AGA: variants seen among roughly 807,000 people sequenced by gnomAD.
AGA encodes the protein N(4)-(beta-N-acetylglucosaminyl)-L-asparaginase.
A neutral mutation model predicts 40.1 loss-of-function variants in AGA; 31 were observed. The observed-to-expected ratio is 0.77, with a 90% confidence interval of 0.58 to 1.04. The LOEUF (loss-of-function observed/expected upper bound fraction) is 1.04, where lower values mean the gene tolerates loss of function less well. Among genes scored for constraint, AGA ranks in the 50% least tolerant of loss-of-function variants. AGA has a pLI of 0.00. For synonymous variants in AGA, 148 were observed against 144.0 expected, an observed-to-expected ratio of 1.03 and a Z score of -0.20; for missense variants, 445 against 435.4, an observed-to-expected ratio of 1.02 and a Z score of -0.20.
At chr4:177,434,287 G>A (rs1047950246) in intron 7 of AGA, 95 bp downstream of exon 7, 11 of 1,138,286 alleles carry the variant, frequency 9.7e-6, no homozygotes, top group Admixed American at 5.1e-5. Context: ...ACAGTCGTGA[G>A]CCACTGCACC....
intron 7 of AGA, among the ~76,000 whole-genome samples, chr4:177,434,113 C>T (rs1342794295): frequency 1.3e-5 from 2 of 152,088 alleles, no homozygotes; most frequent in Non-Finnish European, 2.9e-5. Flanking sequence ...CCTACCACAG[C>T]CTCCCGAGTA....
intron 8 of AGA, 112 bp downstream of exon 8, chr4:177,433,102 G>T: frequency 6.9e-7 from 1 of 1,449,062 alleles, no homozygotes; most frequent in East Asian, 2.3e-5. Context: ...GCCCACTTAA[G>T]GAGTCTCTTT....
chr4:177,442,200 C>T (rs765482359), intron 1 of AGA, 49 bp downstream of exon 1: 2 of 1,608,752 alleles, frequency 1.2e-6, no homozygotes. Flanking sequence ...GTCATCCCCA[C>T]CCGCAAGCTC....
rs749661341 is a variant in AGA at position 177,439,694 on chromosome 4, A to G, written c.282-6T>C. On this transcript the variant is annotated splice_polypyrimidine_tract_variant and splice_region_variant and intron_variant, in intron 2 of 8. Transcript: ENST00000264595. ...CTCCTACATCCATAGTAGTGCTGCA[A>G]GAAAATAGAATGCAGTTAGGAATTA... 14 of 1,588,700 alleles carry G rather than the reference A, an allele frequency of 8.8e-6. No individual in the cohort carries two copies. The African/African-American group carries it at 1.9e-4, about 21-fold the overall frequency.
chr4:177,440,866 G>C (rs907569391), intron 1 of AGA, among the ~76,000 whole-genome samples: 1 of 152,124 alleles, frequency 6.6e-6, no homozygotes, highest in Non-Finnish European at 1.5e-5. Flanking sequence ...CCTATCCCAG[G>C]AAGTCTTAAT....
Position 177,436,412 on chromosome 4 carries a change from A to ATAATTG in AGA, c.623-67_623-62dup, listed in dbSNP as rs71599314. ...TAAAGTTTACCTCAAATATAACCAAATAATTGAGCAACTGGTAATAACTGC... is the reference window on the plus strand; with the variant it reads ...TAAAGTTTACCTCAAATATAACCAAATAATTGTAATTGAGCAACTGGTAATAACTGC... On this transcript the variant is annotated intron_variant, in intron 5 of 8. Transcript: ENST00000264595. 260,794 of 1,309,252 alleles carry ATAATTG rather than the reference A, an allele frequency of 0.2. 29,354 individuals carry two copies. The highest frequency in any genetic ancestry group is 0.25 in the Middle Eastern group (1,320 of 5,204). The allele number at this position is 1,309,252 out of a possible 1,614,324, so 81.1% of individuals were successfully genotyped here.
At position 177,430,872 on chromosome 4, in the gene AGA, G is replaced by C. The variant is rs1447697687; in HGVS notation, c.*836C>G. 1 of 454,068 alleles carries C rather than the reference G, an allele frequency of 2.2e-6. No individual in the cohort carries two copies. The highest frequency in any genetic ancestry group is 4.4e-6 in the Non-Finnish European group (1 of 226,780). 28.1% of individuals were successfully genotyped at this position (454,068 alleles called of 1,614,324 possible). A position where few individuals can be genotyped will look rare whatever the true frequency, so the allele number is the denominator to read the frequency against. On this transcript the variant is annotated 3_prime_UTR_variant, in exon 9 of 9. Coordinates refer to ENST00000264595, the MANE Select transcript of AGA (RefSeq NM_000027.4). ...AGAAAGCACGCGCACAACTTCTGTA[G>C]AGTTGTCATACAGAGAGTTAATCAG...
In AGA at chr4:177,438,847, A is replaced by G; in HGVS notation, c.405T>C (p.Phe135=). The G allele has an allele frequency of 6.3e-7, 1 of 1,580,342 alleles. No homozygotes were observed. Among genetic ancestry groups the G allele is most frequent in the Non-Finnish European group, 8.7e-7 (1 of 1,149,006 alleles). The change falls in exon 4 of 9, where the codon TTT becomes TTC. Residue 135 remains phenylalanine (F), a synonymous_variant. Coordinates refer to ENST00000264595, the MANE Select transcript of AGA (RefSeq NM_000027.4). ...CATTGATAAACCCCATACTTTGAGC[A>G]AATGTGGTGGCTGGAGATTGGAAAA... is the stretch of plus-strand genomic sequence containing the variant. The part of the protein sequence containing the change: ...TLLVGESATT[F]AQSMGFINED...
At position 177,440,088 on chromosome 4, in the gene AGA, A is replaced by G. The variant is rs568761181; in HGVS notation, c.281+185T>C. ...AAGGGACTACCTATCTCTCCATGTGATATTTCTATTACTCTGATTTTTTTT... is the reference window on the plus strand; with the variant it reads ...AAGGGACTACCTATCTCTCCATGTGGTATTTCTATTACTCTGATTTTTTTT... On this transcript the variant is annotated intron_variant, in intron 2 of 8. Transcript: ENST00000264595. The G allele has an allele frequency of 1.5e-5, 10 of 684,248 alleles. No homozygotes were observed. In the East Asian group the frequency reaches 1.8e-4, roughly 13 times the overall value. 42.4% of individuals were successfully genotyped at this position (684,248 alleles called of 1,614,324 possible). A position where few individuals can be genotyped will look rare whatever the true frequency, so the allele number is the denominator to read the frequency against.
Position 177,440,901 on chromosome 4 carries a change from A to G in AGA, c.128-475T>C, listed in dbSNP as rs371598992. 5.7e-4 allele frequency among the ~76,000 whole-genome samples: 87 copies of G among 152,228 alleles called. 1 individual carries two copies. The highest frequency in any genetic ancestry group is 2.0e-3 in the African/African-American group (81 of 41,516). ...TAATACTGAACAGCAAACAATTACA[A>G]CGTGGACTTCATATGGATTAGTTCA... On this transcript the variant is annotated intron_variant, in intron 1 of 8. Coordinates refer to ENST00000264595, the MANE Select transcript of AGA (RefSeq NM_000027.4).
Position 177,438,743 on chromosome 4 carries a change from A to G in AGA, c.507+2T>C, listed in dbSNP as rs766165178. On this transcript the variant is annotated splice_donor_variant, in intron 4 of 8. Coordinates refer to ENST00000264595, the MANE Select transcript of AGA (RefSeq NM_000027.4). LOFTEE classifies it high-confidence loss of function. ...ATTTTTTTAAATTAAATGTGTGCATACCCTCCAATAATTTGGCTGGCAATT... is the reference window on the plus strand; with the variant it reads ...ATTTTTTTAAATTAAATGTGTGCATGCCCTCCAATAATTTGGCTGGCAATT... 1 of 1,551,500 alleles carries G rather than the reference A, an allele frequency of 6.4e-7. No individual in the cohort carries two copies. Among genetic ancestry groups the G allele is most frequent in the Non-Finnish European group, 8.9e-7 (1 of 1,123,012 alleles).
rs760486007 is a variant in AGA, at chr4:177,439,630, C to T, written c.340G>A (p.Val114Met). The change falls in exon 3 of 9, where the codon GTG becomes ATG. Residue 114 changes from valine (V) to methionine (M), a missense_variant. Physicochemically the swap from Val to Met is conservative, Grantham distance 21. Coordinates refer to ENST00000264595, the MANE Select transcript of AGA (RefSeq NM_000027.4). ...GTATGTTCCAGTACTTTCCGTGCCACACCAATAGCATTTTTAATTCGTCTG... is the reference window on the plus strand; with the variant it reads ...GTATGTTCCAGTACTTTCCGTGCCATACCAATAGCATTTTTAATTCGTCTG... ...DLRRIKNAIGVARKVLEHTTH... is the reference protein window; with the variant it reads ...DLRRIKNAIGMARKVLEHTTH... 1.7e-5 allele frequency: 27 copies of T among 1,612,948 alleles called. No homozygotes were observed. The South Asian group carries it at 2.9e-4, about 17-fold the overall frequency.
chr4:177,440,376 C>G lies in AGA; in HGVS notation c.178G>C (p.Gly60Arg). The G allele has an allele frequency of 1.9e-6, 3 of 1,614,060 alleles. No homozygotes were observed. The highest frequency in any genetic ancestry group is 2.5e-6 in the Non-Finnish European group (3 of 1,180,030). ...TGCTCTCTCTCACACATGGCACAGCCGCTCTCCACTGCATCCAGGGCAGAG... is the reference window on the plus strand; with the variant it reads ...TGCTCTCTCTCACACATGGCACAGCGGCTCTCCACTGCATCCAGGGCAGAG... ...GGSALDAVES[G>R]CAMCEREQCD... The change falls in exon 2 of 9, where the codon GGC becomes CGC. Residue 60 changes from glycine (G) to arginine (R), a missense_variant. Gly to Arg is a moderately radical substitution (Grantham distance 125, BLOSUM62 -2). Coordinates refer to ENST00000264595, the MANE Select transcript of AGA (RefSeq NM_000027.4).
intron 6 of AGA, among the ~76,000 whole-genome samples, chr4:177,435,436 T>A (rs1183728042): frequency 1.3e-5 from 2 of 152,322 alleles, no homozygotes; most frequent in East Asian, 3.9e-4. Context: ...ACAGTGACTA[T>A]TCTATTATTA....
In AGA at chr4:177,442,249, C is replaced by G; in HGVS notation, c.127G>C (p.Ala43Pro). 1 of 1,613,864 alleles carries G rather than the reference C, an allele frequency of 6.2e-7. No homozygotes were observed. Among genetic ancestry groups the G allele is most frequent in the East Asian group, 2.2e-5 (1 of 44,860 alleles). Residue 43 changes from alanine (A) to proline (P), a missense_variant and splice_region_variant, in exon 1 of 9, where the codon GCG (alanine) becomes CCG (proline). Physicochemically the swap from Ala to Pro is conservative, Grantham distance 27. Coordinates refer to ENST00000264595, the MANE Select transcript of AGA (RefSeq NM_000027.4). Reference sequence around the variant, plus strand: ...GCCCGCCCAGGCCGCCAACCCGCACCTGCTTCGGTTGCATTCTTAAAGGGC... The same window carrying G: ...GCCCGCCCAGGCCGCCAACCCGCACGTGCTTCGGTTGCATTCTTAAAGGGC... ...TWPFKNATEAAWRALASGGSA... is the reference protein window; with the variant it reads ...TWPFKNATEAPWRALASGGSA...
Position 177,431,676 on chromosome 4 carries a change from C to A in AGA, c.*32G>T. On this transcript the variant is annotated 3_prime_UTR_variant, in exon 9 of 9. Coordinates refer to ENST00000264595, the MANE Select transcript of AGA (RefSeq NM_000027.4). ...CCTTTTCAGCCTTTGTTTCTTTCTT[C>A]TTTAAATACAGATGTTGACAGTAAA... 6.4e-7 allele frequency: 1 copy of A among 1,555,616 alleles called. No individual in the cohort carries two copies. The highest frequency in any genetic ancestry group is 8.9e-7 in the Non-Finnish European group (1 of 1,127,802).
At chr4:177,441,890 GGAGACGTACACA>G (rs1389975652) in intron 1 of AGA, among the ~76,000 whole-genome samples, 1 of 152,186 alleles carries the variant, frequency 6.6e-6, no homozygotes, top group African/African-American at 2.4e-5. Context: ...AACGAGAGGT[GGAGACGTACACA>G]GCCCGTGAAA....
chr4:177,442,003 T>TG (rs1174587897), intron 1 of AGA, among the ~76,000 whole-genome samples: 1 of 152,106 alleles, frequency 6.6e-6, no homozygotes, highest in South Asian at 2.1e-4. Flanking sequence ...TACATTGCGC[T>TG]GGGGGCTGCA....
At chr4:177,437,100 T>C (rs779112632) in intron 5 of AGA, 13 of 349,346 alleles carry the variant, frequency 3.7e-5, no homozygotes, top group Non-Finnish European at 6.5e-5. Context: ...ATTTTCAACA[T>C]TGTAACTTGG....
Sources: gnomAD v4.1 joint callset for allele counts (sites outside exome capture counted in the v4.1 genomes callset) on GRCh38, gnomAD v4.1.1 for gene constraint, MANE v1.5 for transcripts, NCBI Gene and HGNC (gene_info 2026-07-23, HGNC 2026-07-21) for gene names.